Variants in TAFA2 observed in about 807,000 individuals in gnomAD.
TAFA2 encodes TAFA chemokine like family member 2, also known as chemokine-like protein TAFA-2.
Under a neutral mutation model 18.8 loss-of-function variants are expected in TAFA2, and 7 were observed. The ratio of observed to expected loss-of-function variants is 0.37; its 90% CI spans 0.21 to 0.70. The LOEUF (loss-of-function observed/expected upper bound fraction) is 0.70. Among genes scored for constraint, TAFA2 ranks in the 30% least tolerant of loss-of-function variants. The pLI, the probability that TAFA2 is intolerant of heterozygous loss-of-function variation, is 0.53. For synonymous variants in TAFA2, 60 were observed against 54.2 expected (o/e 1.11, Z -0.47); for missense variants, 122 against 158.1 (o/e 0.77, Z 1.23).
At chr12:62,093,397 T>G (rs774740885) in intron 1 of TAFA2, among the ~76,000 whole-genome samples, 1 of 151,978 alleles carries the variant, frequency 6.6e-6, no homozygotes, top group East Asian at 1.9e-4. Flanking sequence ...AATAAATGCT[T>G]AATAGCAAGG....
At chr12:62,185,749 T>C (rs551004687) in intron 1 of TAFA2, among the ~76,000 whole-genome samples, 39 of 152,322 alleles carry the variant, frequency 2.6e-4, no homozygotes, top group African/African-American at 9.4e-4. Context: ...CATTTCTAAA[T>C]TCTTGACTGA....
chr12:62,018,098 A>C lies in TAFA2; in HGVS notation c.-1-150672T>G, dbSNP rs181639628. On this transcript the variant is annotated intron_variant, in intron 1 of 4. Coordinates refer to ENST00000416284, the MANE Select transcript of TAFA2 (RefSeq NM_178539.5). ...ATGGAAATGGGGAGAGATATGATAT[A>C]AGGTACTGGGCATTCCTGCAGTAAA... Among the ~76,000 whole-genome samples, 8 of 152,320 alleles carry C rather than the reference A, an allele frequency of 5.3e-5. No individual in the cohort carries two copies. In the East Asian group the frequency reaches 1.3e-3, roughly 26 times the overall value.
intron 1 of TAFA2, among the ~76,000 whole-genome samples, chr12:62,116,850 G>T (rs186232148): frequency 6.6e-6 from 1 of 152,204 alleles, no homozygotes; most frequent in East Asian, 1.9e-4. Flanking sequence ...AACCTTATTT[G>T]GAGATAAATG....
intron 2 of TAFA2, among the ~76,000 whole-genome samples, chr12:61,833,852 T>C (rs1198177908): frequency 6.6e-6 from 1 of 151,994 alleles, no homozygotes; most frequent in Non-Finnish European, 1.5e-5. Context: ...CCAGATTTGA[T>C]TATCTCAAAC....
intron 1 of TAFA2, among the ~76,000 whole-genome samples, chr12:61,868,056 G>A (rs1420174038): frequency 6.6e-6 from 1 of 152,014 alleles, no homozygotes; most frequent in Non-Finnish European, 1.5e-5. Context: ...TGAAAAAGCA[G>A]AATGAAAAAT....
chr12:62,167,595 G>C (rs1192107150), intron 1 of TAFA2, among the ~76,000 whole-genome samples: 1 of 152,114 alleles, frequency 6.6e-6, no homozygotes, highest in African/African-American at 2.4e-5. Context: ...ACTTGAACTG[G>C]AGGTATTATT....
chr12:62,073,545 T>A (rs1245717604), intron 1 of TAFA2, among the ~76,000 whole-genome samples: 2 of 150,822 alleles, frequency 1.3e-5, no homozygotes, highest in African/African-American at 2.5e-5. Flanking sequence ...GTAGGTGTTA[T>A]AGGTAGGTGT....
intron 1 of TAFA2, among the ~76,000 whole-genome samples, chr12:62,067,117 G>A (rs1882510225): frequency 6.6e-6 from 1 of 151,942 alleles, no homozygotes; most frequent in South Asian, 2.1e-4. Context: ...GTCTTCCTTT[G>A]AAAAATGTCT....
chr12:62,191,838 A>T lies in TAFA2; in HGVS notation c.-581T>A. The T allele has an allele frequency of 6.5e-6, 1 of 152,686 alleles. No homozygotes were observed. The highest frequency in any genetic ancestry group is 1.5e-5 in the Non-Finnish European group (1 of 68,466). 9.5% of individuals were successfully genotyped at this position (152,686 alleles called of 1,614,324 possible). On this transcript the variant is annotated 5_prime_UTR_variant, in exon 1 of 5. The change creates a premature stop within an existing upstream ORF in the 5' untranslated region. Transcript: ENST00000416284. ...CTCCCTCTCACACACACACACACTC[A>T]CACATCCTCCGTTCCCTCTCTCCCG...
At chr12:62,161,920 T>C (rs1458397187) in intron 1 of TAFA2, among the ~76,000 whole-genome samples, 1 of 152,202 alleles carries the variant, frequency 6.6e-6, no homozygotes, top group Non-Finnish European at 1.5e-5. Flanking sequence ...GAGTTAACTC[T>C]TGTCTAAATC....
At chr12:62,225,168 G>T (rs745952686) in intron 1 of TAFA2, among the ~76,000 whole-genome samples, 1 of 152,124 alleles carries the variant, frequency 6.6e-6, no homozygotes, top group Admixed American at 6.5e-5. Flanking sequence ...AGACAATGTG[G>T]TACTAGCACA....
intron 1 of TAFA2, among the ~76,000 whole-genome samples, chr12:62,027,181 T>A (rs145725728): frequency 6.6e-6 from 1 of 152,282 alleles, no homozygotes; most frequent in South Asian, 2.1e-4. Context: ...AATGAAAATG[T>A]TCTATGCTGG....
Position 62,021,811 on chromosome 12 carries a change from G to A in TAFA2, c.-1-154385C>T, listed in dbSNP as rs145497172. ...GCAGTGACAATGTAATAGTTAACAC[G>A]GTCTCCGCTGTGGATCATCAGGCCA... On this transcript the variant is annotated intron_variant, in intron 1 of 4. Coordinates refer to ENST00000416284, the MANE Select transcript of TAFA2 (RefSeq NM_178539.5). 992 of 867,416 alleles carry A rather than the reference G, an allele frequency of 1.1e-3. 5 individuals are homozygous for A. In the African/African-American group the frequency reaches 0.013, roughly 11 times the overall value. The allele number at this position is 867,416 out of a possible 1,614,324, so 53.7% of individuals were successfully genotyped here. A position where few individuals can be genotyped will look rare whatever the true frequency, so the allele number is the denominator to read the frequency against.
At chr12:61,801,103 T>C (rs139687059) in intron 2 of TAFA2, among the ~76,000 whole-genome samples, 329 of 152,022 alleles carry the variant, frequency 2.2e-3, no homozygotes, top group African/African-American at 7.4e-3. Context: ...TACAGAAAAC[T>C]ATAAAAGAAA....
chr12:61,968,218 A>G (rs1271448361), intron 1 of TAFA2, among the ~76,000 whole-genome samples: 3 of 151,494 alleles, frequency 2.0e-5, no homozygotes, highest in African/African-American at 7.3e-5. Context: ...GCTTATTCCT[A>G]TTTCTGGGCC....
chr12:61,846,160 G>T (rs1873396591), intron 2 of TAFA2, among the ~76,000 whole-genome samples: 1 of 152,120 alleles, frequency 6.6e-6, no homozygotes, highest in South Asian at 2.1e-4. Context: ...AGGGATTCTA[G>T]AACTGATCAA....
At chr12:62,133,166 T>C (rs906577467) in intron 1 of TAFA2, among the ~76,000 whole-genome samples, 8 of 152,032 alleles carry the variant, frequency 5.3e-5, no homozygotes, top group African/African-American at 1.9e-4. Flanking sequence ...CATGTGCATC[T>C]TCCATAATTT....
chr12:62,235,105 C>T (rs1565785393), intron 1 of TAFA2: 1 of 632,512 alleles, frequency 1.6e-6, no homozygotes, highest in South Asian at 1.4e-5. Flanking sequence ...GGAGTACTGG[C>T]CTCTCCTACA....
At chr12:61,948,157 C>T (rs1878345377) in intron 1 of TAFA2, among the ~76,000 whole-genome samples, 2 of 152,198 alleles carry the variant, frequency 1.3e-5, no homozygotes, top group Non-Finnish European at 2.9e-5. Context: ...TGTTATTTGG[C>T]AGGCACTGTG....
Sources: allele counts gnomAD v4.1 joint callset (sites outside exome capture counted in the v4.1 genomes callset), GRCh38; gene constraint gnomAD v4.1.1; transcripts MANE v1.5; gene names NCBI Gene and HGNC (gene_info 2026-07-23, HGNC 2026-07-21).